Variants in HNF1B observed in about 807,000 individuals in gnomAD.
HNF1B encodes HNF1 homeobox B.
HNF1B carries 8 observed loss-of-function variants against 61.7 expected under a neutral mutation model. The observed-to-expected ratio is 0.13, with a 90% CI of 0.08 to 0.23. The LOEUF (loss-of-function observed/expected upper bound fraction) is 0.23. Among genes scored for constraint, HNF1B ranks in the 10% least tolerant of loss-of-function variants. The pLI, the probability that HNF1B is intolerant of heterozygous loss-of-function variation, is 1.00. For synonymous variants in HNF1B, 314 were observed against 287.7 expected, an observed-to-expected ratio of 1.09 and a Z score of -0.93; for missense variants, 562 against 714.5, an observed-to-expected ratio of 0.79 and a Z score of 2.43.
intron 5 of HNF1B, among the ~76,000 whole-genome samples, chr17:37,709,929 C>G (rs184727473): frequency 6.6e-6 from 1 of 152,294 alleles, no homozygotes; most frequent in Non-Finnish European, 1.5e-5. Context: ...GTGTTTCTCC[C>G]TCCCTAAGCA....
At chr17:37,717,479 T>C (rs2033162907) in intron 4 of HNF1B, among the ~76,000 whole-genome samples, 1 of 152,152 alleles carries the variant, frequency 6.6e-6, no homozygotes, top group East Asian at 1.9e-4. Flanking sequence ...AGAAAGCTCT[T>C]CCAAAAGGTA....
chr17:37,722,775 G>A (rs1042063820), intron 4 of HNF1B, among the ~76,000 whole-genome samples: 5 of 152,180 alleles, frequency 3.3e-5, no homozygotes, highest in African/African-American at 9.7e-5. Flanking sequence ...GTAACAGGAA[G>A]GTACCTGAAG....
At chr17:37,732,813 A>G (rs542102740) in intron 3 of HNF1B, among the ~76,000 whole-genome samples, 2 of 152,030 alleles carry the variant, frequency 1.3e-5, no homozygotes, top group African/African-American at 4.8e-5. Context: ...AAAAATAAAT[A>G]CTTAAAATAA....
chr17:37,743,427 T>C (rs919599301), intron 1 of HNF1B, among the ~76,000 whole-genome samples: 7 of 152,278 alleles, frequency 4.6e-5, no homozygotes, highest in East Asian at 1.9e-4. Flanking sequence ...AAAGTGTGTT[T>C]GGGGAAAAAA....
At chr17:37,705,193 G>T in intron 5 of HNF1B, 144 bp from the exon 6 acceptor site, 1 of 946,244 alleles carries the variant, frequency 1.1e-6, no homozygotes, top group Non-Finnish European at 1.6e-6. Context: ...TTATTGGCTG[G>T]GCATGGTGCT....
chr17:37,735,818 G>C (rs1035416496), intron 2 of HNF1B, among the ~76,000 whole-genome samples: 2 of 152,208 alleles, frequency 1.3e-5, no homozygotes, highest in African/African-American at 4.8e-5. Flanking sequence ...GAATGCAGTA[G>C]TACGATCATA....
At position 37,744,890 on chromosome 17, in the gene HNF1B, A is replaced by G; in HGVS notation, c.-6T>C. 7.1e-7 allele frequency: 1 copy of G among 1,411,340 alleles called. No individual in the cohort carries two copies. The highest frequency in any genetic ancestry group is 1.1e-5 in the South Asian group (1 of 87,650). 87.4% of individuals were successfully genotyped at this position (1,411,340 alleles called of 1,614,324 possible). A position where few individuals can be genotyped will look rare whatever the true frequency, so the allele number is the denominator to read the frequency against. ...GACGTGAGCTTGGACACCATTTTCCAAGGACGGAAAAAGAAGGGGGTGAGG... is the reference window on the plus strand; with the variant it reads ...GACGTGAGCTTGGACACCATTTTCCGAGGACGGAAAAAGAAGGGGGTGAGG... On this transcript the variant is annotated 5_prime_UTR_variant, in exon 1 of 9. Transcript: ENST00000617811.
intron 4 of HNF1B, among the ~76,000 whole-genome samples, chr17:37,722,190 C>T (rs534001676): frequency 7.2e-5 from 11 of 152,132 alleles, no homozygotes; most frequent in Non-Finnish European, 1.5e-4. Flanking sequence ...GAAATCCTTC[C>T]CGATTGAAAC....
At chr17:37,720,734 A>G (rs2033285092) in intron 4 of HNF1B, 1 of 956,154 alleles carries the variant, frequency 1.0e-6, no homozygotes, top group Non-Finnish European at 1.2e-6. Flanking sequence ...GAAGAAAGCT[A>G]CCTCAGGCTC....
At chr17:37,738,601 G>T (rs904015617) in intron 2 of HNF1B, among the ~76,000 whole-genome samples, 3 of 152,170 alleles carry the variant, frequency 2.0e-5, no homozygotes, top group Non-Finnish European at 4.4e-5. Context: ...TAATGTCAAA[G>T]AATACTTTCC....
chr17:37,742,258 C>T (rs960206556), intron 1 of HNF1B, among the ~76,000 whole-genome samples: 8 of 152,234 alleles, frequency 5.3e-5, no homozygotes, highest in Non-Finnish European at 1.5e-5. Context: ...AGCCCACTTT[C>T]TAGACGCCCC....
At chr17:37,742,480 T>C (rs539059387) in intron 1 of HNF1B, among the ~76,000 whole-genome samples, 1 of 152,314 alleles carries the variant, frequency 6.6e-6, no homozygotes, top group Non-Finnish European at 1.5e-5. Flanking sequence ...TGCCCGAGGC[T>C]TGGGAGCCCC....
intron 4 of HNF1B, among the ~76,000 whole-genome samples, chr17:37,716,458 C>A (rs2033115094): frequency 6.6e-6 from 1 of 152,186 alleles, no homozygotes; most frequent in African/African-American, 2.4e-5. Flanking sequence ...CTCAGCCTCC[C>A]AAAGTGCTGG....
intron 7 of HNF1B, among the ~76,000 whole-genome samples, chr17:37,699,711 G>A (rs951568578): frequency 2.6e-5 from 4 of 152,230 alleles, no homozygotes; most frequent in Admixed American, 6.5e-5. Context: ...TGGGAGGAAG[G>A]GAAGTGGGGC....
At chr17:37,720,528 G>A (rs1220484627) in intron 4 of HNF1B, among the ~76,000 whole-genome samples, 1 of 151,650 alleles carries the variant, frequency 6.6e-6, no homozygotes, top group Non-Finnish European at 1.5e-5. Context: ...TAATTATATA[G>A]CACATATATG....
chr17:37,716,882 C>G (rs2033140095), intron 4 of HNF1B, among the ~76,000 whole-genome samples: 1 of 132,494 alleles, frequency 7.5e-6, no homozygotes, highest in Admixed American at 7.5e-5. Context: ...CTCTCTCTCT[C>G]TCTCTGCCAT....
chr17:37,714,813 C>T (rs973528979), intron 4 of HNF1B, among the ~76,000 whole-genome samples: 3 of 152,110 alleles, frequency 2.0e-5, no homozygotes, highest in African/African-American at 4.8e-5. Context: ...GTGCCAGCAC[C>T]GTCTCTAGGG....
chr17:37,708,398 C>A (rs2032821087), intron 5 of HNF1B, among the ~76,000 whole-genome samples: 1 of 152,154 alleles, frequency 6.6e-6, no homozygotes, highest in South Asian at 2.1e-4. Flanking sequence ...ACACACTGCC[C>A]AGTTAAAGCA....
chr17:37,698,850 C>T (rs1192723586), intron 8 of HNF1B, among the ~76,000 whole-genome samples: 1 of 152,148 alleles, frequency 6.6e-6, no homozygotes, highest in East Asian at 1.9e-4. Context: ...AAACTTCTGT[C>T]CTTGTTTAGT....
Sources: allele counts gnomAD v4.1 joint callset (sites outside exome capture counted in the v4.1 genomes callset), GRCh38; gene constraint gnomAD v4.1.1; transcripts MANE v1.5; gene names NCBI Gene and HGNC (gene_info 2026-07-23, HGNC 2026-07-21).